Variants in TXNRD2 observed in about 807,000 individuals in gnomAD.
The protein encoded by TXNRD2 is thioredoxin reductase 2, mitochondrial.
A neutral mutation model predicts 70.8 loss-of-function variants in TXNRD2; 67 were observed. The ratio of observed to expected loss-of-function variants is 0.95; its 90% CI spans 0.78 to 1.16. The LOEUF is 1.16. TXNRD2 is among the 50% of genes most tolerant of loss of function. TXNRD2 has a pLI of 0.00. For missense variants in TXNRD2, 644 were observed against 719.9 expected (o/e 0.89, Z 1.21); for synonymous variants, 301 against 295.8 (o/e 1.02, Z -0.18).
chr22:19,919,710 CTGCGG>C, intron 2 of TXNRD2, 111 bp from the exon 3 acceptor site: 3 of 1,058,720 alleles, frequency 2.8e-6, no homozygotes, highest in Non-Finnish European at 4.2e-6. Context: ...GGGCCTGGGC[CTGCGG>C]CTGCCCACAC....
Position 19,911,416 on chromosome 22 carries a change from C to T in TXNRD2, c.623G>A (p.Ser208Asn), listed in dbSNP as rs201531690. The T allele has an allele frequency of 7.7e-5, 125 of 1,613,982 alleles. No individual in the cohort carries two copies. Among genetic ancestry groups the T allele is most frequent in the Non-Finnish European group, 1.0e-4 (121 of 1,179,994 alleles). Residue 208 changes from serine to asparagine, a missense_variant, in exon 8 of 18, where the codon AGT becomes AAT. Coordinates refer to ENST00000400521, the MANE Select transcript of TXNRD2 (RefSeq NM_006440.5). ...IEGALEYGITSDDIFWLKESP... is the reference protein window; with the variant it reads ...IEGALEYGITNDDIFWLKESP... ...TTCCTTCAGCCAGAAGATGTCATCACTTGTGATTCCATATTCCAAGGCACC... is the reference window on the plus strand; with the variant it reads ...TTCCTTCAGCCAGAAGATGTCATCATTTGTGATTCCATATTCCAAGGCACC...
intron 14 of TXNRD2, 130 bp from the exon 15 acceptor site, chr22:19,878,567 T>C: frequency 1.1e-6 from 1 of 883,398 alleles, no homozygotes; most frequent in East Asian, 2.4e-5. Context: ...CCTGAAGGTC[T>C]GGTCTGGGAT....
Position 19,939,852 on chromosome 22 carries a change from A to C in TXNRD2, c.103+1849T>G, listed in dbSNP as rs1941641442. Among the ~76,000 whole-genome samples, 2 of 152,134 alleles carry C rather than the reference A, an allele frequency of 1.3e-5. 1 individual carries two copies. Among genetic ancestry groups the C allele is most frequent in the South Asian group, 4.1e-4 (2 of 4,832 alleles). On this transcript the variant is annotated intron_variant, in intron 1 of 17. Transcript: ENST00000400521. ...GTAATAGGAGATACCCCATACTTTC[A>C]ATATAAACCTGTAGGAAAACCATAT...
rs113531644 is a variant in TXNRD2 at position 19,918,757 on chromosome 22, A to G, written c.374+103T>C. ...CGCCCCTGGCTGAGAAACCCATCCT[A>G]CGGCCCACTCCCCATGAGGGCTCAT... is the stretch of plus-strand genomic sequence containing the variant. On this transcript the variant is annotated intron_variant, in intron 4 of 17. Coordinates refer to ENST00000400521, the MANE Select transcript of TXNRD2 (RefSeq NM_006440.5). 13,684 of 1,437,918 alleles carry G rather than the reference A, an allele frequency of 9.5e-3. 89 individuals are homozygous for G. Among genetic ancestry groups the G allele is most frequent in the Non-Finnish European group, 0.012 (12,627 of 1,037,176 alleles). 89.1% of individuals were successfully genotyped at this position (1,437,918 alleles called of 1,614,324 possible). A position where few individuals can be genotyped will look rare whatever the true frequency, so the allele number is the denominator to read the frequency against.
intron 2 of TXNRD2, among the ~76,000 whole-genome samples, chr22:19,922,317 T>C (rs1188238025): frequency 2.6e-5 from 4 of 152,130 alleles, no homozygotes; most frequent in African/African-American, 9.7e-5. Context: ...CTCCACCTTA[T>C]CACATATGAT....
intron 5 of TXNRD2, among the ~76,000 whole-genome samples, chr22:19,916,880 A>C (rs981966257): frequency 6.6e-6 from 1 of 152,156 alleles, no homozygotes; most frequent in Non-Finnish European, 1.5e-5. Flanking sequence ...AAGTGCTAGG[A>C]TTACAGGCAT....
At chr22:19,907,783 T>C (rs1197749062) in intron 8 of TXNRD2, among the ~76,000 whole-genome samples, 52 of 34,772 alleles carry the variant, frequency 1.5e-3, no homozygotes, top group African/African-American at 5.6e-3. Context: ...TGGGTAGCAG[T>C]GACCGCTCTC....
At chr22:19,929,036 T>C (rs1941260639) in intron 2 of TXNRD2, among the ~76,000 whole-genome samples, 1 of 143,512 alleles carries the variant, frequency 7.0e-6, no homozygotes, top group Non-Finnish European at 1.5e-5. Flanking sequence ...TAAGTTAAAA[T>C]GAGGCCATAG....
Position 19,941,757 on chromosome 22 carries a change from C to T in TXNRD2, c.47G>A (p.Arg16Gln), listed in dbSNP as rs868447575. ...VALRGLGGRF[R>Q]WRTQAVAGGV... ...GCCCGCCACGGCCTGCGTCCGCCAC[C>T]GGAAGCGCCCTCCTAATCCCCGCAG... The change falls in exon 1 of 18, where the codon CGG becomes CAG. Residue 16 changes from arginine to glutamine, a missense_variant. Physicochemically the swap from Arg to Gln is conservative, Grantham distance 43 (BLOSUM62 1). This residue lies in a region of TXNRD2 where 71 missense variants were observed against 53.6 expected (regional missense o/e 1.33). Coordinates refer to ENST00000400521, the MANE Select transcript of TXNRD2 (RefSeq NM_006440.5). The T allele has an allele frequency of 1.8e-5, 27 of 1,508,852 alleles. No homozygotes were observed. Among genetic ancestry groups the T allele is most frequent in the Non-Finnish European group, 2.3e-5 (26 of 1,137,382 alleles). The allele number at this position is 1,508,852 out of a possible 1,614,324, so 93.5% of individuals were successfully genotyped here.
rs1030383558 is a variant in TXNRD2 at position 19,941,715 on chromosome 22, G to A, written c.89C>T (p.Ala30Val). The change falls in exon 1 of 18, where the codon GCG (alanine) becomes GTG (valine). Residue 30 changes from alanine (A) to valine (V), a missense_variant. Ala to Val is a moderately conservative substitution (Grantham distance 64). Coordinates refer to ENST00000400521, the MANE Select transcript of TXNRD2 (RefSeq NM_006440.5). The stretch of plus-strand genomic sequence containing the variant: ...CCCCATCCTACCTGCTGCGCCCCGC[G>A]CCGCGCCCCGCACCCCGCCCGCCAC... ...QAVAGGVRGA[A>V]RGAAAGQRDY... 3 of 1,483,922 alleles carry A rather than the reference G, an allele frequency of 2.0e-6. No individual in the cohort carries two copies. The highest frequency in any genetic ancestry group is 2.7e-6 in the Non-Finnish European group (3 of 1,124,420). The allele number at this position is 1,483,922 out of a possible 1,614,324, so 91.9% of individuals were successfully genotyped here. A position where few individuals can be genotyped will look rare whatever the true frequency, so the allele number is the denominator to read the frequency against.
intron 8 of TXNRD2, among the ~76,000 whole-genome samples, chr22:19,907,204 GGA>G (rs1159429580): frequency 2.4e-5 from 2 of 83,100 alleles, no homozygotes; most frequent in Admixed American, 1.7e-4. Context: ...ACCGCTCTCA[GGA>G]GAGTGTGGGC....
In TXNRD2 at chr22:19,889,017, A is replaced by C. The variant is rs148933788; in HGVS notation, c.950-5556T>G. Among the ~76,000 whole-genome samples, 1,196 of 152,032 alleles carry C rather than the reference A, an allele frequency of 7.9e-3. 9 individuals carry two copies. Among genetic ancestry groups the C allele is most frequent in the African/African-American group, 0.028 (1,155 of 41,470 alleles). Reference sequence around the variant, plus strand: ...TCCCATCGAGACGCCATGTTAGTTGAATAAATGAGTGAGCCCCTGGGCCTC... The same window carrying C: ...TCCCATCGAGACGCCATGTTAGTTGCATAAATGAGTGAGCCCCTGGGCCTC... On this transcript the variant is annotated intron_variant, in intron 11 of 17. Transcript: ENST00000400521.
intron 17 of TXNRD2, 138 bp from the exon 18 acceptor site, chr22:19,875,945 A>C (rs1938486238): frequency 6.6e-6 from 1 of 152,254 alleles, no homozygotes; most frequent in East Asian, 1.9e-4. Context: ...GCCCCACCCC[A>C]GGGCGATGCG....
chr22:19,925,905 G>A (rs964134970), intron 2 of TXNRD2, among the ~76,000 whole-genome samples: 9 of 152,140 alleles, frequency 5.9e-5, no homozygotes, highest in South Asian at 2.1e-4. Context: ...GGTGGCTCAC[G>A]CCTGTAATCC....
rs1350459204 is a variant in TXNRD2 at position 19,880,331 on chromosome 22, T to C, written c.1183-60A>G. The C allele has an allele frequency of 4.1e-5, 63 of 1,518,718 alleles. No homozygotes were observed. The Admixed American group carries it at 9.7e-4, about 23-fold the overall frequency. The allele number at this position is 1,518,718 out of a possible 1,614,324, so 94.1% of individuals were successfully genotyped here. A position where few individuals can be genotyped will look rare whatever the true frequency, so the allele number is the denominator to read the frequency against. On this transcript the variant is annotated intron_variant, in intron 13 of 17. Coordinates refer to ENST00000400521, the MANE Select transcript of TXNRD2 (RefSeq NM_006440.5). ...GGCCCCGAAAACCGAAGTTCCCCAC[T>C]GCATGTGACACAAAGAGCAGCGATC...
At chr22:19,925,230 G>T (rs997207817) in intron 2 of TXNRD2, among the ~76,000 whole-genome samples, 19 of 151,918 alleles carry the variant, frequency 1.3e-4, no homozygotes, top group Non-Finnish European at 2.5e-4. Context: ...CTTGCAGTGA[G>T]CTGAGATCGC....
intron 16 of TXNRD2, 123 bp from the exon 17 acceptor site, chr22:19,877,357 A>G: frequency 9.2e-6 from 8 of 866,216 alleles, no homozygotes; most frequent in Non-Finnish European, 1.5e-5. Flanking sequence ...CCTGACCCCC[A>G]GCCAGCAGCC....
chr22:19,915,999 A>G, intron 5 of TXNRD2, 156 bp from the exon 6 acceptor site: 1 of 675,264 alleles, frequency 1.5e-6, no homozygotes, highest in Non-Finnish European at 2.6e-6. Context: ...AACCATGCTG[A>G]GAAGCATGGA....
chr22:19,919,887 G>A (rs189790321), intron 2 of TXNRD2, among the ~76,000 whole-genome samples: 1 of 132,224 alleles, frequency 7.6e-6, no homozygotes, highest in Admixed American at 7.2e-5. Context: ...ACCTCTCAGG[G>A]CCCGCAGCCT....
Sources: gnomAD v4.1 joint callset for allele counts (sites outside exome capture counted in the v4.1 genomes callset) on GRCh38, gnomAD v4.1.1 for gene constraint, gnomAD v4.1.1 regional missense constraint, MANE v1.5 for transcripts, NCBI Gene and HGNC (gene_info 2026-07-23, HGNC 2026-07-21) for gene names.